MAD1L1: variants seen among roughly 807,000 people sequenced by gnomAD.
MAD1L1 encodes mitotic arrest deficient 1 like 1.
A neutral mutation model predicts 96.9 loss-of-function variants in MAD1L1; 95 were observed. The ratio of observed to expected loss-of-function variants is 0.98; its 90% CI spans 0.83 to 1.16. The LOEUF (loss-of-function observed/expected upper bound fraction) is 1.16. MAD1L1 is among the 50% of genes most tolerant of loss of function. MAD1L1 has a pLI of 0.00. For synonymous variants in MAD1L1, 473 were observed against 396.6 expected (o/e 1.19, Z -2.29); for missense variants, 1,007 against 954.4 (o/e 1.06, Z -0.73).
intron 11 of MAD1L1, among the ~76,000 whole-genome samples, chr7:2,131,090 G>A (rs557642774): frequency 1.8e-4 from 27 of 152,244 alleles, no homozygotes; most frequent in Non-Finnish European, 3.2e-4. Context: ...AACTAGATTC[G>A]GACGCTTTGG....
At chr7:1,908,832 T>C (rs1236166942) in intron 17 of MAD1L1, among the ~76,000 whole-genome samples, 1 of 152,036 alleles carries the variant, frequency 6.6e-6, no homozygotes, top group Non-Finnish European at 1.5e-5. Context: ...CAGCATGCAT[T>C]TCTCTCATGA....
intron 12 of MAD1L1, among the ~76,000 whole-genome samples, chr7:2,050,534 G>C (rs529587643): frequency 3.9e-5 from 6 of 152,356 alleles, no homozygotes; most frequent in African/African-American, 1.4e-4. Context: ...CAAGCCAACA[G>C]TGGCCTATCA....
intron 12 of MAD1L1, among the ~76,000 whole-genome samples, chr7:2,048,991 C>T (rs1364274397): frequency 1.3e-5 from 2 of 152,240 alleles, no homozygotes; most frequent in Non-Finnish European, 2.9e-5. Flanking sequence ...CTTTTAGGAA[C>T]ACACATCACC....
intron 11 of MAD1L1, among the ~76,000 whole-genome samples, chr7:2,118,386 CCT>C (rs1212001580): frequency 6.6e-6 from 1 of 152,268 alleles, no homozygotes; most frequent in Non-Finnish European, 1.5e-5. Context: ...AGGACCTCCC[CCT>C]GTGCTGCCAT....
intron 12 of MAD1L1, among the ~76,000 whole-genome samples, chr7:2,043,125 C>T (rs1783766354): frequency 6.6e-6 from 1 of 152,202 alleles, no homozygotes; most frequent in Non-Finnish European, 1.5e-5. Context: ...TTCAATTATG[C>T]AGTGTAAGGG....
At chr7:1,911,792 A>C (rs935443457) in intron 17 of MAD1L1, among the ~76,000 whole-genome samples, 1 of 152,122 alleles carries the variant, frequency 6.6e-6, no homozygotes, top group South Asian at 2.1e-4. Context: ...CGTCACCTCC[A>C]GATGAAGCCC....
chr7:1,920,329 C>T (rs551292384), intron 17 of MAD1L1, among the ~76,000 whole-genome samples: 1 of 152,238 alleles, frequency 6.6e-6, no homozygotes, highest in Non-Finnish European at 1.5e-5. Context: ...TCGCCCGGGG[C>T]TGTGTTGTCT....
intron 9 of MAD1L1, among the ~76,000 whole-genome samples, chr7:2,213,868 C>T (rs1793116954): frequency 1.3e-5 from 2 of 152,248 alleles, no homozygotes; most frequent in Admixed American, 1.3e-4. Flanking sequence ...AGAGGTGAGT[C>T]TCACGGCCCT....
At chr7:2,083,591 G>GA (rs1490894179) in intron 11 of MAD1L1, among the ~76,000 whole-genome samples, 1 of 152,232 alleles carries the variant, frequency 6.6e-6, no homozygotes, top group African/African-American at 2.4e-5. Flanking sequence ...GGGCTGTCGG[G>GA]AGACTCCAGA....
At chr7:2,197,274 A>T (rs1179834211) in intron 10 of MAD1L1, among the ~76,000 whole-genome samples, 1 of 152,180 alleles carries the variant, frequency 6.6e-6, no homozygotes, top group East Asian at 1.9e-4. Context: ...TCTCTTCAGG[A>T]GCCACGCTTG....
At chr7:1,904,764 C>G (rs1193703422) in intron 17 of MAD1L1, among the ~76,000 whole-genome samples, 1 of 118,084 alleles carries the variant, frequency 8.5e-6, no homozygotes, top group Non-Finnish European at 1.6e-5. Flanking sequence ...GCAGCAAGCA[C>G]GCAGTGGCCT....
In MAD1L1 at chr7:2,069,209, G is replaced by A; in HGVS notation, c.1203C>T (p.Val401=). ...CATACATCACCTTGGTGAGCAGCAG[G>A]ACCCGTTTCTGGAGCCTCCGGGCCA... ...EALARRLQKR[V]LLLTKERDGM... is the part of the protein sequence containing the mutation. Residue 401 remains valine (V), a synonymous_variant, in exon 12 of 19, where the codon GTC becomes GTT. Coordinates refer to ENST00000265854, the MANE Select transcript of MAD1L1 (RefSeq NM_001013836.2). 6.2e-7 allele frequency: 1 copy of A among 1,601,242 alleles called. No homozygotes were observed. The highest frequency in any genetic ancestry group is 1.7e-5 in the Admixed American group (1 of 58,380).
At chr7:1,817,969 C>T (rs1238582787) in intron 18 of MAD1L1, among the ~76,000 whole-genome samples, 34 of 151,816 alleles carry the variant, frequency 2.2e-4, no homozygotes, top group Non-Finnish European at 2.9e-5. Flanking sequence ...TCTCAGGAGC[C>T]GTCCCCGTGC....
intron 11 of MAD1L1, among the ~76,000 whole-genome samples, chr7:2,141,513 G>A (rs1228733439): frequency 6.6e-6 from 1 of 152,170 alleles, no homozygotes; most frequent in Non-Finnish European, 1.5e-5. Context: ...CCCCCAACCC[G>A]GGACTTCACT....
At position 1,892,850 on chromosome 7, in the gene MAD1L1, C is replaced by A. The variant is rs10243537; in HGVS notation, c.1998+5350G>T. Among the ~76,000 whole-genome samples the A allele has an allele frequency of 3.6e-3, 548 of 152,344 alleles. 3 individuals carry two copies. The highest frequency in any genetic ancestry group is 0.013 in the African/African-American group (523 of 41,564). On this transcript the variant is annotated intron_variant, in intron 18 of 18. Coordinates refer to ENST00000265854, the MANE Select transcript of MAD1L1 (RefSeq NM_001013836.2). ...GTGTCTCCCAGATCCCAGAAGCTCA[C>A]GGTTTTGCCCCAAACTGCATTTGCT...
intron 11 of MAD1L1, among the ~76,000 whole-genome samples, chr7:2,122,575 C>A (rs1451609126): frequency 6.6e-6 from 1 of 152,022 alleles, no homozygotes; most frequent in Non-Finnish European, 1.5e-5. Flanking sequence ...TCACTCCAGC[C>A]TGGGCGACAG....
chr7:2,231,666 A>G (rs968576711), intron 1 of MAD1L1, among the ~76,000 whole-genome samples: 9 of 152,234 alleles, frequency 5.9e-5, no homozygotes, highest in African/African-American at 2.2e-4. Context: ...GAAACGAGGC[A>G]TGCAACAGTG....
chr7:1,914,034 G>GC (rs1788197861), intron 17 of MAD1L1, among the ~76,000 whole-genome samples: 1 of 152,064 alleles, frequency 6.6e-6, no homozygotes, highest in African/African-American at 2.4e-5. Flanking sequence ...CCCCCAGCAC[G>GC]CCTGTCCACC....
intron 18 of MAD1L1, among the ~76,000 whole-genome samples, chr7:1,835,019 AAAGT>A (rs546716002): frequency 7.4e-4 from 112 of 152,332 alleles, no homozygotes; most frequent in African/African-American, 2.5e-3. Flanking sequence ...CTAGAAAATC[AAAGT>A]AATTCCACAT....
Sources: allele counts gnomAD v4.1 joint callset (sites outside exome capture counted in the v4.1 genomes callset), GRCh38; gene constraint gnomAD v4.1.1; transcripts MANE v1.5; gene names NCBI Gene and HGNC (gene_info 2026-07-23, HGNC 2026-07-21).